DMAC2: variants seen among roughly 807,000 people sequenced by gnomAD.
The protein encoded by DMAC2 is distal membrane-arm assembly complex protein 2.
Under a neutral mutation model 29.6 loss-of-function variants are expected in DMAC2, and 32 were observed. The ratio of observed to expected loss-of-function variants is 1.08; its 90% CI spans 0.81 to 1.45. The LOEUF (loss-of-function observed/expected upper bound fraction) is 1.45, where lower values mean the gene tolerates loss of function less well. Ranked by LOEUF, DMAC2 falls within the 40% of genes most tolerant of loss-of-function variation. The pLI is 0.00. For missense variants in DMAC2, 319 were observed against 340.0 expected, an observed-to-expected ratio of 0.94 and a Z score of 0.49; for synonymous variants, 133 against 137.4, an observed-to-expected ratio of 0.97 and a Z score of 0.23.
chr19:41,432,676 G>A (rs1198105715), intron 5 of DMAC2: 9 of 395,922 alleles, frequency 2.3e-5, no homozygotes, highest in East Asian at 6.0e-5. Flanking sequence ...GTGTGTGTGT[G>A]TATAGGGAGA....
rs1252022261 is a variant in DMAC2, at chr19:41,432,676, GTA to G, written c.597-270_597-269del. On this transcript the variant is annotated intron_variant, in intron 5 of 5. Coordinates refer to ENST00000221943, the MANE Select transcript of DMAC2 (RefSeq NM_018035.3). ...AGCGTGTGTGTGTGTGTGTGTGTGT[GTA>G]TAGGGAGATAAGCCAGTATAAGGAC... The G allele has an allele frequency of 2.8e-4, 111 of 395,896 alleles. 1 individual carries two copies. The highest frequency in any genetic ancestry group is 5.2e-4 in the Admixed American group (13 of 24,974). 24.5% of individuals were successfully genotyped at this position (395,896 alleles called of 1,614,324 possible).
In DMAC2 at chr19:41,438,319, TTTC is replaced by T. The variant is rs2039976860; in HGVS notation, c.111_113del (p.Lys38del). 1.2e-6 allele frequency: 2 copies of T among 1,614,134 alleles called. No individual in the cohort carries two copies. Among genetic ancestry groups the T allele is most frequent in the African/African-American group, 1.3e-5 (1 of 74,946 alleles). ...TGGTCAGGAACTGGAGTATTGTCCTTTTCTTCTTCTGATTGCCCTCTGGGGCCA... is the reference window on the plus strand; with the variant it reads ...TGGTCAGGAACTGGAGTATTGTCCTTTTCTTCTGATTGCCCTCTGGGGCCA... On this transcript the variant is annotated inframe_deletion, in exon 2 of 6. Transcript: ENST00000221943.
intron 3 of DMAC2, among the ~76,000 whole-genome samples, chr19:41,434,679 C>T (rs1213367394): frequency 1.3e-5 from 2 of 151,706 alleles, no homozygotes; most frequent in African/African-American, 2.4e-5. Context: ...AGAAAGGAGG[C>T]GGGGAAGAAG....
At chr19:41,439,728 A>T (rs782058949) in intron 1 of DMAC2, 154 bp downstream of exon 1, 3 of 1,377,550 alleles carry the variant, frequency 2.2e-6, no homozygotes, top group Non-Finnish European at 3.1e-6. Context: ...CCTGGCCCCC[A>T]CTAGCCACAG....
Position 41,433,311 on chromosome 19 carries a change from CG to C in DMAC2, c.556del (p.Arg186AlafsTer55). The stretch of plus-strand genomic sequence containing the variant: ...GCAGGCGAGGCCCCGTTCGGAGATG[CG>C]GGGGCAACCGGCCAGCGAGAGCTCC... ...LQELSLAGCP[R>X]ISERGLACLH... On this transcript the variant is annotated frameshift_variant, in exon 5 of 6. Coordinates refer to ENST00000221943, the MANE Select transcript of DMAC2 (RefSeq NM_018035.3). LOFTEE classifies it high-confidence loss of function. 4 of 1,610,940 alleles carry C rather than the reference CG, an allele frequency of 2.5e-6. No individual in the cohort carries two copies.
chr19:41,437,817 T>C (rs1377680642), intron 2 of DMAC2, among the ~76,000 whole-genome samples: 2 of 152,112 alleles, frequency 1.3e-5, no homozygotes, highest in East Asian at 1.9e-4. Context: ...TCTGAGATAT[T>C]CTAGTATTTT....
At chr19:41,435,878 T>A (rs573771742) in intron 3 of DMAC2, among the ~76,000 whole-genome samples, 1 of 152,042 alleles carries the variant, frequency 6.6e-6, no homozygotes, top group East Asian at 1.9e-4. Flanking sequence ...TCTTTTTTTT[T>A]TTTTTTGACA....
chr19:41,439,768 G>C, intron 1 of DMAC2, 114 bp downstream of exon 1: 1 of 1,548,116 alleles, frequency 6.5e-7, no homozygotes. Flanking sequence ...GGCTTGCCAG[G>C]CTTAGCCTGC....
chr19:41,433,296 C>T lies in DMAC2; in HGVS notation c.572G>A (p.Gly191Asp), dbSNP rs1555770002. The change falls in exon 5 of 6, where the codon GGC (glycine) becomes GAC (aspartate). Residue 191 changes from glycine to aspartate, a missense_variant. Gly to Asp is a moderately conservative substitution (Grantham distance 94). Transcript: ENST00000221943. Reference sequence around the variant, plus strand: ...CTGGAGGTGGTGGAGGCAGGCGAGGCCCCGTTCGGAGATGCGGGGGCAACC... The same window carrying T: ...CTGGAGGTGGTGGAGGCAGGCGAGGTCCCGTTCGGAGATGCGGGGGCAACC... ...LAGCPRISER[G>D]LACLHHLQNL... 6.2e-7 allele frequency: 1 copy of T among 1,610,000 alleles called. No homozygotes were observed. The highest frequency in any genetic ancestry group is 1.1e-5 in the South Asian group (1 of 90,994).
intron 5 of DMAC2, 25 bp downstream of exon 5, chr19:41,433,244 TGTG>T: frequency 6.3e-7 from 1 of 1,585,320 alleles, no homozygotes; most frequent in Non-Finnish European, 8.6e-7. Context: ...TGCCTGGGCA[TGTG>T]GCCCAGCCTG....
At chr19:41,432,779 C>CGTGTGTGTGTGT in intron 5 of DMAC2, 1 of 303,390 alleles carries the variant, frequency 3.3e-6, no homozygotes, top group African/African-American at 5.1e-5. Context: ...TACAGGACAG[C>CGTGTGTGTGTGT]GTGCGTGTGT....
At chr19:41,433,090 G>T in intron 5 of DMAC2, 182 bp downstream of exon 5, 1 of 664,922 alleles carries the variant, frequency 1.5e-6, no homozygotes, top group Non-Finnish European at 2.4e-6. Flanking sequence ...AAAACCAGGA[G>T]TCATTTAATT....
chr19:41,436,854 A>T (rs1367651591), intron 2 of DMAC2, among the ~76,000 whole-genome samples: 12 of 152,262 alleles, frequency 7.9e-5, no homozygotes, highest in Admixed American at 7.9e-4. Flanking sequence ...TTGGGTGTTA[A>T]TTGGAGGAGG....
At chr19:41,439,310 T>G in intron 1 of DMAC2, 1 of 551,086 alleles carries the variant, frequency 1.8e-6, no homozygotes, top group Non-Finnish European at 3.2e-6. Flanking sequence ...TTCCCTAAAT[T>G]CATTCCTTGA....
Position 41,432,421 on chromosome 19 carries a change from G to T in DMAC2, c.597-13C>A, listed in dbSNP as rs782006787. ...CCTGCGGAGGTTCCTGAAAAGGGGT[G>T]AGAAGGACAGGAAGCCAGTGTAAGG... On this transcript the variant is annotated splice_polypyrimidine_tract_variant and intron_variant, in intron 5 of 5. Transcript: ENST00000221943. 16 of 1,612,336 alleles carry T rather than the reference G, an allele frequency of 9.9e-6. No individual in the cohort carries two copies. The African/African-American group carries it at 2.0e-4, about 20-fold the overall frequency.
chr19:41,439,592 C>G, intron 1 of DMAC2: 1 of 1,520,388 alleles, frequency 6.6e-7, no homozygotes, highest in Admixed American at 2.0e-5. Context: ...ATCCCTCCCT[C>G]TGATTGGTTA....
rs2039593288 is a variant in DMAC2, at chr19:41,432,653, C to CAT, written c.597-246_597-245insAT. 1.9e-4 allele frequency: 43 copies of CAT among 220,778 alleles called. No homozygotes were observed. In the Admixed American group the frequency reaches 2.4e-3, roughly 12 times the overall value. The allele number at this position is 220,778 out of a possible 1,614,324, so 13.7% of individuals were successfully genotyped here. Reference sequence around the variant, plus strand: ...GTGTGTGTAGGGAGGTACAGGACAGCGTGTGTGTGTGTGTGTGTGTGTGTA... The same window carrying CAT: ...GTGTGTGTAGGGAGGTACAGGACAGCATGTGTGTGTGTGTGTGTGTGTGTGTA... On this transcript the variant is annotated intron_variant, in intron 5 of 5. Coordinates refer to ENST00000221943, the MANE Select transcript of DMAC2 (RefSeq NM_018035.3).
chr19:41,434,201 C>T (rs1193657029), intron 3 of DMAC2, among the ~76,000 whole-genome samples: 2 of 151,674 alleles, frequency 1.3e-5, no homozygotes, highest in Admixed American at 6.6e-5. Context: ...TGCCACTGCA[C>T]TCCAGCCTGG....
chr19:41,436,734 G>A (rs2039883222), intron 2 of DMAC2, among the ~76,000 whole-genome samples: 1 of 152,200 alleles, frequency 6.6e-6, no homozygotes. Context: ...AACAACCCAG[G>A]AAATAACAGC....
Sources: allele counts gnomAD v4.1 joint callset (sites outside exome capture counted in the v4.1 genomes callset), GRCh38; gene constraint gnomAD v4.1.1; transcripts MANE v1.5; gene names NCBI Gene and HGNC (gene_info 2026-07-23, HGNC 2026-07-21).